SH3PXD2B: variants seen among roughly 807,000 people sequenced by gnomAD.
The protein encoded by SH3PXD2B is SH3 and PX domain-containing protein 2B.
A neutral mutation model predicts 73.1 loss-of-function variants in SH3PXD2B; 37 were observed. The ratio of observed to expected loss-of-function variants is 0.51; its 90% confidence interval spans 0.39 to 0.67. The LOEUF (loss-of-function observed/expected upper bound fraction) is 0.67, where lower values mean the gene tolerates loss of function less well. SH3PXD2B is among the 30% of genes least tolerant of loss of function. The pLI is 0.00. For missense variants in SH3PXD2B, 1,053 were observed against 1,197.8 expected (o/e 0.88, Z 1.78); for synonymous variants, 457 against 480.5 (o/e 0.95, Z 0.64).
intron 1 of SH3PXD2B, among the ~76,000 whole-genome samples, chr5:172,450,230 T>TA (rs200573153): frequency 1.7e-4 from 25 of 151,076 alleles, no homozygotes; most frequent in African/African-American, 4.1e-4. Context: ...AGAAAGCTGT[T>TA]AAAAAAAATC....
chr5:172,417,618 C>T (rs1300363579), intron 2 of SH3PXD2B, among the ~76,000 whole-genome samples: 1 of 152,186 alleles, frequency 6.6e-6, no homozygotes, highest in Non-Finnish European at 1.5e-5. Flanking sequence ...AAAGCCCAGC[C>T]CTGTCTAATC....
At chr5:172,420,130 C>T (rs370113978) in intron 2 of SH3PXD2B, among the ~76,000 whole-genome samples, 18 of 152,316 alleles carry the variant, frequency 1.2e-4, no homozygotes, top group African/African-American at 4.3e-4. Flanking sequence ...ATCTTTCTTC[C>T]CCTGCCCCAG....
intron 10 of SH3PXD2B, among the ~76,000 whole-genome samples, chr5:172,348,170 T>G (rs1281991043): frequency 6.6e-6 from 1 of 152,190 alleles, no homozygotes; most frequent in Non-Finnish European, 1.5e-5. Context: ...GACTTCATTT[T>G]CCAGTCACCC....
At position 172,338,422 on chromosome 5, in the gene SH3PXD2B, C is replaced by G. The variant is rs767533330; in HGVS notation, c.2683G>C (p.Ala895Pro). The change falls in exon 13 of 13, where the codon GCC (alanine) becomes CCC (proline). Residue 895 changes from alanine to proline, a missense_variant. Transcript: ENST00000311601. This position sits in a 1 kb window ranked among gnomAD's most constrained non-coding sequence, Gnocchi z 5.1. The stretch of plus-strand genomic sequence containing the variant: ...GGAATCCACCCTTCCCAGGAAGGGG[C>G]TCCGCTCAGGACCTGGCAGAACCAC... ...GWWFCQVLSG[A>P]PSWEGWIPSN... 22 of 1,614,098 alleles carry G rather than the reference C, an allele frequency of 1.4e-5. No individual in the cohort carries two copies. The highest frequency in any genetic ancestry group is 1.8e-5 in the Non-Finnish European group (21 of 1,180,036).
intron 1 of SH3PXD2B, among the ~76,000 whole-genome samples, chr5:172,452,505 T>C (rs962395987): frequency 5.3e-5 from 8 of 152,208 alleles, no homozygotes; most frequent in African/African-American, 1.9e-4. Context: ...TCTACATCCC[T>C]GCTTGGCTCT....
intron 2 of SH3PXD2B, among the ~76,000 whole-genome samples, chr5:172,408,534 C>CTTTTTTTTTTTTTTTT (rs34377327): frequency 1.1e-5 from 1 of 92,670 alleles, no homozygotes; most frequent in Non-Finnish European, 1.9e-5. Flanking sequence ...TGGGTTATCA[C>CTTTTTTTTTTTTTTTT]TTTTTTTTTT....
chr5:172,418,226 G>T (rs1362402750), intron 2 of SH3PXD2B, among the ~76,000 whole-genome samples: 1 of 152,224 alleles, frequency 6.6e-6, no homozygotes, highest in African/African-American at 2.4e-5. Flanking sequence ...AAGCTTGTCT[G>T]AAGGACTGAA....
intron 5 of SH3PXD2B, among the ~76,000 whole-genome samples, chr5:172,378,719 A>G (rs537832691): frequency 3.9e-5 from 6 of 152,296 alleles, no homozygotes; most frequent in East Asian, 3.9e-4. Context: ...CCCATCTTAC[A>G]TAAGAGGAGA....
intron 2 of SH3PXD2B, among the ~76,000 whole-genome samples, chr5:172,407,357 T>C (rs2113431952): frequency 6.6e-6 from 1 of 152,324 alleles, no homozygotes; most frequent in South Asian, 2.1e-4. Flanking sequence ...CTTTCCCACT[T>C]GCTATTTCCC....
In SH3PXD2B at chr5:172,350,505, G is replaced by A. The variant is rs1353385211; in HGVS notation, c.870C>T (p.Gly290=). 1.9e-6 allele frequency: 3 copies of A among 1,614,152 alleles called. No individual in the cohort carries two copies. Among genetic ancestry groups the A allele is most frequent in the Non-Finnish European group, 2.5e-6 (3 of 1,180,036 alleles). Residue 290 remains glycine, a synonymous_variant, in exon 10 of 13, where the codon GGC becomes GGT. Transcript: ENST00000311601. ...GEPLPPKPGP[G]SPSHPGALDL... ...CAAGGGCACCCGGGTGGGAGGGTGAGCCAGGGCCTGGCTTCGGGGGCAAGG... is the reference window on the plus strand; with the variant it reads ...CAAGGGCACCCGGGTGGGAGGGTGAACCAGGGCCTGGCTTCGGGGGCAAGG...
intron 4 of SH3PXD2B, among the ~76,000 whole-genome samples, chr5:172,386,893 G>A (rs1442085493): frequency 6.6e-6 from 1 of 152,190 alleles, no homozygotes; most frequent in Non-Finnish European, 1.5e-5. Flanking sequence ...CTTCCAAAGT[G>A]TTGGGATTAC....
At chr5:172,397,721 T>C (rs1333439541) in intron 3 of SH3PXD2B, among the ~76,000 whole-genome samples, 4 of 152,244 alleles carry the variant, frequency 2.6e-5, no homozygotes, top group African/African-American at 4.8e-5. Context: ...CCTAAGTGCA[T>C]GTGGGAACCC....
chr5:172,431,501 T>C (rs940266998), intron 1 of SH3PXD2B, among the ~76,000 whole-genome samples: 2 of 152,348 alleles, frequency 1.3e-5, no homozygotes, highest in Admixed American at 1.3e-4. Context: ...TTCAGCTAAT[T>C]CTCCTTTTGG....
chr5:172,423,834 G>T (rs1034708636), intron 1 of SH3PXD2B, among the ~76,000 whole-genome samples: 1 of 152,126 alleles, frequency 6.6e-6, no homozygotes, highest in Non-Finnish European at 1.5e-5. Context: ...GTAGAGACGG[G>T]GTTTTGTCAT....
At chr5:172,327,752 G>GTTTTTTTTTT (rs3053146) in intron 12 of SH3PXD2B, among the ~76,000 whole-genome samples, 1 of 142,424 alleles carries the variant, frequency 7.0e-6, no homozygotes, top group African/African-American at 2.7e-5. Context: ...CTGCAACTGG[G>GTTTTTTTTTT]TTTTTTTTTT....
At chr5:172,406,146 A>C in intron 3 of SH3PXD2B, 131 bp downstream of exon 3, 1 of 1,077,666 alleles carries the variant, frequency 9.3e-7, no homozygotes, top group Non-Finnish European at 1.4e-6. Context: ...ATTTCTACAA[A>C]TGGCTGAGAT....
At chr5:172,403,247 A>G (rs1237813692) in intron 3 of SH3PXD2B, among the ~76,000 whole-genome samples, 1 of 152,242 alleles carries the variant, frequency 6.6e-6, no homozygotes, top group African/African-American at 2.4e-5. Flanking sequence ...TCCTCTGCCA[A>G]GTTGGCTTCC....
rs575748662 is a variant in SH3PXD2B, at chr5:172,347,413, C to T, written c.1013-81G>A. On this transcript the variant is annotated intron_variant, in intron 10 of 12. Coordinates refer to ENST00000311601, the MANE Select transcript of SH3PXD2B (RefSeq NM_001017995.3). The stretch of plus-strand genomic sequence containing the variant: ...GGGTGCCAGGTCGGGTCTATTTTCT[C>T]CTGCAGAAGATTGAACACAGGCGTC... 3.9e-5 allele frequency: 57 copies of T among 1,445,542 alleles called. 1 individual carries two copies. In the South Asian group the frequency reaches 6.2e-4, roughly 16 times the overall value. 89.5% of individuals were successfully genotyped at this position (1,445,542 alleles called of 1,614,324 possible).
At chr5:172,381,555 C>T (rs532975472) in intron 5 of SH3PXD2B, among the ~76,000 whole-genome samples, 1 of 152,266 alleles carries the variant, frequency 6.6e-6, no homozygotes, top group East Asian at 1.9e-4. Context: ...GACAGGGAGG[C>T]AGGGCTGTGG....
Sources: gnomAD v4.1 joint callset for allele counts (sites outside exome capture counted in the v4.1 genomes callset) on GRCh38, gnomAD v4.1.1 for gene constraint, Gnocchi (gnomAD v3.1) non-coding constraint, MANE v1.5 for transcripts, NCBI Gene and HGNC (gene_info 2026-07-23, HGNC 2026-07-21) for gene names.